The following GYPC variants were observed in gnomAD, a reference collection of about 807,000 sequenced individuals.
The protein encoded by GYPC is glycophorin-C.
Under a neutral mutation model 12.6 loss-of-function variants are expected in GYPC, and 14 were observed. The observed-to-expected ratio is 1.11, with a 90% confidence interval of 0.74 to 1.74. The LOEUF is 1.74. GYPC is among the 40% of genes most tolerant of loss of function. GYPC has a pLI of 0.00. For synonymous variants in GYPC, 78 were observed against 62.1 expected (o/e 1.26, Z -1.20); for missense variants, 225 against 172.1 (o/e 1.31, Z -1.72).
chr2:126,657,362 T>C (rs1415991777), intron 1 of GYPC, among the ~76,000 whole-genome samples: 2 of 152,258 alleles, frequency 1.3e-5, no homozygotes, highest in East Asian at 3.8e-4. Context: ...TGGGATCATC[T>C]GCACTGCCTA....
At chr2:126,668,933 T>C (rs952560335) in intron 1 of GYPC, among the ~76,000 whole-genome samples, 1 of 152,192 alleles carries the variant, frequency 6.6e-6, no homozygotes, top group East Asian at 1.9e-4. Flanking sequence ...GAATTCAGGT[T>C]TCGGATCGAA....
chr2:126,680,919 G>A (rs1220156923), intron 1 of GYPC, among the ~76,000 whole-genome samples: 1 of 152,190 alleles, frequency 6.6e-6, no homozygotes, highest in African/African-American at 2.4e-5. Context: ...CGCCAAGCAG[G>A]TGCAGGCATC....
intron 1 of GYPC, among the ~76,000 whole-genome samples, chr2:126,669,523 C>T (rs898995588): frequency 2.6e-5 from 4 of 152,214 alleles, no homozygotes; most frequent in Non-Finnish European, 4.4e-5. Context: ...TTCAAGCAGG[C>T]TGTCGAGTAC....
chr2:126,691,146 CA>C (rs1418217590), intron 2 of GYPC, among the ~76,000 whole-genome samples: 1 of 152,198 alleles, frequency 6.6e-6, no homozygotes, highest in Non-Finnish European at 1.5e-5. Context: ...GACTTGGGAG[CA>C]GTTTCAGACT....
In GYPC at chr2:126,672,693, G is replaced by A. The variant is rs1573563235; in HGVS notation, c.49+16381G>A. Among the ~76,000 whole-genome samples the A allele has an allele frequency of 3.3e-5, 5 of 152,290 alleles. No individual in the cohort carries two copies. In the South Asian group the frequency reaches 8.3e-4, roughly 25 times the overall value. ...AGAGCAGCAACCTTCTCCCCTCAGGGTGGAGGGGCTGGCCCAGCAGTGGAC... is the reference window on the plus strand; with the variant it reads ...AGAGCAGCAACCTTCTCCCCTCAGGATGGAGGGGCTGGCCCAGCAGTGGAC... On this transcript the variant is annotated intron_variant, in intron 1 of 3. Coordinates refer to ENST00000259254, the MANE Select transcript of GYPC (RefSeq NM_002101.5).
chr2:126,686,954 C>T (rs1425870057), intron 1 of GYPC, among the ~76,000 whole-genome samples: 2 of 152,140 alleles, frequency 1.3e-5, no homozygotes, highest in East Asian at 3.9e-4. Context: ...CATTCCAGGC[C>T]CCTTAAGCTG....
chr2:126,689,485 G>T (rs1300063968), intron 1 of GYPC, among the ~76,000 whole-genome samples: 1 of 151,578 alleles, frequency 6.6e-6, no homozygotes, highest in African/African-American at 2.4e-5. Context: ...GGTTCCCAAG[G>T]TGGCAGTGAT....
intron 1 of GYPC, among the ~76,000 whole-genome samples, chr2:126,666,189 A>T (rs1160165032): frequency 6.6e-6 from 1 of 152,182 alleles, no homozygotes. Context: ...AGCCCAGGCC[A>T]ACCCACTCTT....
intron 1 of GYPC, among the ~76,000 whole-genome samples, chr2:126,667,466 T>C (rs1052162666): frequency 1.3e-5 from 2 of 151,420 alleles, no homozygotes; most frequent in African/African-American, 4.9e-5. Context: ...TGCAGTGGCA[T>C]GATATCGGCT....
At chr2:126,679,249 C>T (rs761616629) in intron 1 of GYPC, among the ~76,000 whole-genome samples, 1 of 152,120 alleles carries the variant, frequency 6.6e-6, no homozygotes. Context: ...TGAGCACACA[C>T]GGGCCCACAC....
At chr2:126,661,160 G>A (rs1376953027) in intron 1 of GYPC, among the ~76,000 whole-genome samples, 1 of 152,174 alleles carries the variant, frequency 6.6e-6, no homozygotes, top group Non-Finnish European at 1.5e-5. Flanking sequence ...GCAAGGCGAG[G>A]GTTGGGTGGA....
At position 126,684,452 on chromosome 2, in the gene GYPC, C is replaced by T. The variant is rs559832989; in HGVS notation, c.50-5803C>T. ...CTTACTGACCACTCTATCATCATGGCCTTCCCTTCATGTATCCCTCCCACC... is the reference window on the plus strand; with the variant it reads ...CTTACTGACCACTCTATCATCATGGTCTTCCCTTCATGTATCCCTCCCACC... On this transcript the variant is annotated intron_variant, in intron 1 of 3. Coordinates refer to ENST00000259254, the MANE Select transcript of GYPC (RefSeq NM_002101.5). 2.0e-5 allele frequency among the ~76,000 whole-genome samples: 3 copies of T among 152,194 alleles called. No homozygotes were observed. In the South Asian group the frequency reaches 6.2e-4, roughly 32 times the overall value.
At chr2:126,670,371 A>G (rs1682814059) in intron 1 of GYPC, among the ~76,000 whole-genome samples, 1 of 152,204 alleles carries the variant, frequency 6.6e-6, no homozygotes, top group African/African-American at 2.4e-5. Flanking sequence ...GAGGGGCACA[A>G]AGAGCCCAGC....
Position 126,674,352 on chromosome 2 carries a change from T to C in GYPC, c.50-15903T>C, listed in dbSNP as rs116742640. Among the ~76,000 whole-genome samples, 758 of 152,142 alleles carry C rather than the reference T, an allele frequency of 5.0e-3. 6 individuals carry two copies. The highest frequency in any genetic ancestry group is 0.017 in the African/African-American group (694 of 41,484). ...TCCCCAGGCCCCAACCTCTTAGAAA[T>C]GGGAGCAGTGAGACCCAGAAAACTT... On this transcript the variant is annotated intron_variant, in intron 1 of 3. Coordinates refer to ENST00000259254, the MANE Select transcript of GYPC (RefSeq NM_002101.5).
intron 1 of GYPC, among the ~76,000 whole-genome samples, chr2:126,671,298 TCA>T (rs1682847559): frequency 6.6e-6 from 1 of 152,162 alleles, no homozygotes; most frequent in Non-Finnish European, 1.5e-5. Context: ...AATCCCCACC[TCA>T]CTGGGCAGGT....
intron 1 of GYPC, among the ~76,000 whole-genome samples, chr2:126,674,499 G>T (rs534209226): frequency 1.3e-5 from 2 of 152,322 alleles, no homozygotes; most frequent in South Asian, 4.1e-4. Context: ...TGGAGAAAGG[G>T]GCACTAGAGA....
rs774509794 is a variant in GYPC, at chr2:126,656,218, CG to C, written c.-44del. ...GACCCTCCCCCGGCCCGGCCTGGCC[CG>C]GCCTGGCCAGTCCCCGCGGTCTCTG... On this transcript the variant is annotated 5_prime_UTR_variant, in exon 1 of 4. Transcript: ENST00000259254. 5.8e-5 allele frequency: 91 copies of C among 1,571,796 alleles called. No individual in the cohort carries two copies. Among genetic ancestry groups the C allele is most frequent in the Non-Finnish European group, 7.7e-5 (89 of 1,162,150 alleles).
At chr2:126,678,076 G>T (rs955521929) in intron 1 of GYPC, among the ~76,000 whole-genome samples, 2 of 151,974 alleles carry the variant, frequency 1.3e-5, no homozygotes, top group African/African-American at 4.8e-5. Flanking sequence ...AAGAAAATTA[G>T]CCGGCCCTGG....
chr2:126,693,576 G>A (rs994433048), intron 2 of GYPC, among the ~76,000 whole-genome samples: 19 of 152,132 alleles, frequency 1.2e-4, no homozygotes, highest in Middle Eastern at 3.2e-3. Flanking sequence ...CATCTACCAC[G>A]TGCAGCACCA....
Sources: gnomAD v4.1 joint callset for allele counts (sites outside exome capture counted in the v4.1 genomes callset) on GRCh38, gnomAD v4.1.1 for gene constraint, MANE v1.5 for transcripts, NCBI Gene and HGNC (gene_info 2026-07-23, HGNC 2026-07-21) for gene names.